SOX5: variants seen among roughly 807,000 people sequenced by gnomAD.
SOX5 encodes the protein transcription factor SOX-5.
In SOX5, 9 loss-of-function variants were observed where a neutral mutation model predicts 92.0. That is an observed-to-expected ratio of 0.10 (90% CI 0.06 to 0.17). SOX5 has a LOEUF of 0.17. Ranked by LOEUF, SOX5 falls within the 10% of genes least tolerant of loss-of-function variation. The pLI, the probability that SOX5 is intolerant of heterozygous loss-of-function variation, is 1.00. For synonymous variants in SOX5, 344 were observed against 336.3 expected (o/e 1.02, Z -0.25); for missense variants, 642 against 944.5 (o/e 0.68, Z 4.20).
At chr12:24,375,532 C>T (rs1157659800) in intron 1 of SOX5, among the ~76,000 whole-genome samples, 3 of 151,584 alleles carry the variant, frequency 2.0e-5, no homozygotes, top group South Asian at 4.2e-4. Context: ...GTCAGGAGTT[C>T]GAGACCAGCC....
chr12:24,286,492 T>G (rs1945878094), intron 2 of SOX5, among the ~76,000 whole-genome samples: 1 of 152,198 alleles, frequency 6.6e-6, no homozygotes, highest in Non-Finnish European at 1.5e-5. Flanking sequence ...AGAGTAAGAC[T>G]AGATATATTG....
Position 24,036,875 on chromosome 12 carries a change from G to C in SOX5, c.-1-140851C>G, listed in dbSNP as rs77033726. ...TAGGATCTGATTTCCTGACAATAAA[G>C]AATCCTTTTATTGTATGTACAGATG... On this transcript the variant is annotated intron_variant, in intron 4 of 4. Transcript: ENST00000446891. Among the ~76,000 whole-genome samples, 3 of 152,054 alleles carry C rather than the reference G, an allele frequency of 2.0e-5. No homozygotes were observed. In the East Asian group the frequency reaches 5.8e-4, roughly 29 times the overall value.
Position 23,911,332 on chromosome 12 carries a change from C to CT in SOX5, c.39-15309dup, listed in dbSNP as rs569622652. Among the ~76,000 whole-genome samples the CT allele has an allele frequency of 2.5e-3, 373 of 152,132 alleles. 16 individuals are homozygous for CT. The South Asian group carries it at 0.075, about 31-fold the overall frequency. On this transcript the variant is annotated intron_variant, in intron 1 of 14. Coordinates refer to ENST00000451604, the MANE Select transcript of SOX5 (RefSeq NM_006940.6). ...TAAGGAAGACACCATTCTGTGACATCTCAAGAGATGTTAGATATTAATTAA... is the reference window on the plus strand; with the variant it reads ...TAAGGAAGACACCATTCTGTGACATCTTCAAGAGATGTTAGATATTAATTAA...
chr12:24,415,221 G>C (rs1448443090), intron 1 of SOX5, among the ~76,000 whole-genome samples: 1 of 152,152 alleles, frequency 6.6e-6, no homozygotes, highest in African/African-American at 2.4e-5. Flanking sequence ...AAAAACATAG[G>C]TGAACACAAC....
chr12:23,655,082 T>C (rs1288395751), intron 7 of SOX5, among the ~76,000 whole-genome samples: 8 of 152,108 alleles, frequency 5.3e-5, no homozygotes, highest in Non-Finnish European at 8.8e-5. Context: ...GATTAATTTA[T>C]GAACTCTTTA....
At chr12:24,195,139 G>GAA (rs11427882) in intron 4 of SOX5, among the ~76,000 whole-genome samples, 175 of 142,892 alleles carry the variant, frequency 1.2e-3, no homozygotes, top group South Asian at 3.7e-3. Context: ...AATTGTTTGG[G>GAA]AAAAAAAAAA....
chr12:24,027,909 G>C, intron 4 of SOX5, among the ~76,000 whole-genome samples: 1 of 151,840 alleles, frequency 6.6e-6, no homozygotes, highest in South Asian at 2.1e-4. Context: ...ACAAGTCCAC[G>C]AAAAACATCT....
At chr12:23,726,171 G>GAGAGAGAGAC in intron 6 of SOX5, among the ~76,000 whole-genome samples, 1 of 89,314 alleles carries the variant, frequency 1.1e-5, no homozygotes, top group East Asian at 3.8e-4. Context: ...GAGAGAGAGA[G>GAGAGAGAGAC]AGAGGTCAGT....
intron 3 of SOX5, among the ~76,000 whole-genome samples, chr12:23,810,446 C>G (rs909911194): frequency 5.3e-5 from 8 of 152,080 alleles, no homozygotes; most frequent in Admixed American, 1.3e-4. Flanking sequence ...TGTGAAAGTG[C>G]CCAGTCGAAA....
chr12:24,422,303 C>T (rs141888621), intron 1 of SOX5, among the ~76,000 whole-genome samples: 14 of 152,274 alleles, frequency 9.2e-5, no homozygotes, highest in African/African-American at 3.4e-4. Flanking sequence ...TTCTCTTCTA[C>T]ATTTCCCATC....
intron 4 of SOX5, among the ~76,000 whole-genome samples, chr12:23,963,367 C>T (rs917776090): frequency 3.9e-5 from 6 of 152,150 alleles, no homozygotes; most frequent in African/African-American, 1.4e-4. Context: ...AAATTTATCT[C>T]ATTTCTATTT....
At chr12:24,107,645 G>T (rs1946840870) in intron 4 of SOX5, among the ~76,000 whole-genome samples, 1 of 152,190 alleles carries the variant, frequency 6.6e-6, no homozygotes, top group Non-Finnish European at 1.5e-5. Flanking sequence ...CTAAGGAAGG[G>T]TTTAAAAGGA....
At chr12:24,086,365 A>G (rs910135996) in intron 4 of SOX5, among the ~76,000 whole-genome samples, 6 of 151,964 alleles carry the variant, frequency 3.9e-5, no homozygotes, top group Admixed American at 1.3e-4. Flanking sequence ...CTAAATTCCT[A>G]CAGTGCTTGT....
At chr12:24,252,641 G>C (rs1940333275) in intron 3 of SOX5, among the ~76,000 whole-genome samples, 1 of 149,806 alleles carries the variant, frequency 6.7e-6, no homozygotes, top group Admixed American at 6.6e-5. Flanking sequence ...TTTTGGAATA[G>C]AAACTGTTTA....
intron 6 of SOX5, among the ~76,000 whole-genome samples, chr12:23,726,125 GAGAGAGAGAGA>G (rs2093106295): frequency 5.0e-4 from 5 of 10,056 alleles, no homozygotes; most frequent in African/African-American, 2.7e-3. Context: ...CCCCGAGAGA[GAGAGAGAGAGA>G]GAGAGAGAGA....
intron 3 of SOX5, among the ~76,000 whole-genome samples, chr12:23,789,924 A>G (rs1282738229): frequency 6.6e-6 from 1 of 152,176 alleles, no homozygotes; most frequent in Non-Finnish European, 1.5e-5. Context: ...GTAACACTCC[A>G]GCTTTTTCAA....
chr12:24,344,832 C>G (rs1351651790), intron 2 of SOX5, among the ~76,000 whole-genome samples: 1 of 152,172 alleles, frequency 6.6e-6, no homozygotes, highest in Non-Finnish European at 1.5e-5. Context: ...TGCACCCAAT[C>G]ATATAGCATC....
chr12:24,019,927 C>T lies in SOX5; in HGVS notation c.-1-123903G>A, dbSNP rs531329214. Among the ~76,000 whole-genome samples, 12 of 152,242 alleles carry T rather than the reference C, an allele frequency of 7.9e-5. No individual in the cohort carries two copies. The South Asian group carries it at 2.3e-3, about 29-fold the overall frequency. On this transcript the variant is annotated intron_variant, in intron 4 of 4. Coordinates refer to the SOX5 transcript ENST00000446891. The stretch of plus-strand genomic sequence containing the variant: ...TTTACCAAAGGGAAAAAAGTTATTA[C>T]TAAAACCTCACGTGGATGTATCCTG...
chr12:24,069,449 A>T (rs1267794221), intron 4 of SOX5, among the ~76,000 whole-genome samples: 1 of 152,234 alleles, frequency 6.6e-6, no homozygotes, highest in Non-Finnish European at 1.5e-5. Context: ...AAATAGTCAT[A>T]TAATTTTAAA....
Sources: allele counts gnomAD v4.1 joint callset (sites outside exome capture counted in the v4.1 genomes callset), GRCh38; gene constraint gnomAD v4.1.1; transcripts MANE v1.5; gene names NCBI Gene and HGNC (gene_info 2026-07-23, HGNC 2026-07-21).